CIT: variants seen among roughly 807,000 people sequenced by gnomAD.
CIT encodes citron Rho-interacting kinase.
CIT carries 79 observed loss-of-function variants against 272.7 expected under a neutral mutation model. The observed-to-expected ratio is 0.29, with a 90% CI of 0.24 to 0.35. CIT has a LOEUF of 0.35. Among genes scored for constraint, CIT ranks in the 10% least tolerant of loss-of-function variants. CIT has a pLI of 1.00. For missense variants in CIT, 1,909 were observed against 2,618.3 expected (o/e 0.73, Z 5.91); for synonymous variants, 948 against 995.6 (o/e 0.95, Z 0.90).
intron 10 of CIT, among the ~76,000 whole-genome samples, chr12:119,788,720 G>A (rs910175350): frequency 6.6e-6 from 1 of 152,082 alleles, no homozygotes; most frequent in African/African-American, 2.4e-5. Flanking sequence ...CAGAAGCGAG[G>A]AGATGTGCAG....
At chr12:119,845,428 G>A (rs981737089) in intron 5 of CIT, among the ~76,000 whole-genome samples, 10 of 152,030 alleles carry the variant, frequency 6.6e-5, no homozygotes, top group South Asian at 2.1e-4. Flanking sequence ...TGAGGCAGGC[G>A]GATCACCTGG....
At position 119,835,713 on chromosome 12, in the gene CIT, G is replaced by A. The variant is rs186548770; in HGVS notation, c.517-1485C>T. Among the ~76,000 whole-genome samples the A allele has an allele frequency of 7.1e-4, 108 of 152,164 alleles. 1 individual carries two copies. Among genetic ancestry groups the A allele is most frequent in the African/African-American group, 2.3e-3 (95 of 41,522 alleles). ...CCTGCTTGCTTTTAGTCCAGAATTA[G>A]AAGAAAGCTCTAGACAAGTCAGAAG... is the stretch of plus-strand genomic sequence containing the variant. On this transcript the variant is annotated intron_variant, in intron 5 of 47. Transcript: ENST00000392521.
intron 9 of CIT, among the ~76,000 whole-genome samples, chr12:119,815,245 A>AT (rs58399808): frequency 0.024 from 3,623 of 151,994 alleles, 139 homozygotes; most frequent in African/African-American, 0.084. Flanking sequence ...TTTAAAAAAA[A>AT]AAAAAAGCCA....
chr12:119,734,500 G>C, intron 25 of CIT, 143 bp from the exon 26 acceptor site: 1 of 853,984 alleles, frequency 1.2e-6, no homozygotes, highest in East Asian at 2.7e-5. Context: ...GCAGCCCAAG[G>C]GGACCAGGCA....
At position 119,836,097 on chromosome 12, in the gene CIT, G is replaced by C. The variant is rs576641823; in HGVS notation, c.517-1869C>G. On this transcript the variant is annotated intron_variant, in intron 5 of 47. Coordinates refer to ENST00000392521, the MANE Select transcript of CIT (RefSeq NM_001206999.2). Reference sequence around the variant, plus strand: ...AGGTCAAGAGATCGAGACCACCCTGGCCAACATGGTGAAACCCCGTCTTTA... The same window carrying C: ...AGGTCAAGAGATCGAGACCACCCTGCCCAACATGGTGAAACCCCGTCTTTA... Among the ~76,000 whole-genome samples, 6 of 151,878 alleles carry C rather than the reference G, an allele frequency of 4.0e-5. No homozygotes were observed. In the South Asian group the frequency reaches 1.3e-3, roughly 32 times the overall value.
intron 5 of CIT, among the ~76,000 whole-genome samples, chr12:119,849,892 T>C (rs1018061620): frequency 6.6e-6 from 1 of 152,168 alleles, no homozygotes; most frequent in Non-Finnish European, 1.5e-5. Context: ...TTCACTGTGT[T>C]AGCCAGGATG....
Position 119,718,432 on chromosome 12 carries a change from C to A in CIT, c.4004-23G>T. On this transcript the variant is annotated intron_variant, in intron 31 of 47. Transcript: ENST00000392521. This position sits in a 1 kb window ranked among gnomAD's most constrained non-coding sequence, Gnocchi z 4.8. The stretch of plus-strand genomic sequence containing the variant: ...CAGCTGCAGAGAGACCAGGACAATG[C>A]CTTTTGGTTAGCTGGGTCGCCTAGA... 6.3e-7 allele frequency: 1 copy of A among 1,590,652 alleles called. No individual in the cohort carries two copies. Among genetic ancestry groups the A allele is most frequent in the Non-Finnish European group, 8.6e-7 (1 of 1,165,954 alleles).
intron 26 of CIT, among the ~76,000 whole-genome samples, chr12:119,732,591 T>C (rs1351609769): frequency 1.3e-5 from 2 of 152,206 alleles, no homozygotes; most frequent in Admixed American, 1.3e-4. Flanking sequence ...AAAGGAACTA[T>C]TTCTACCATT....
At chr12:119,791,417 C>T (rs1965297540) in intron 10 of CIT, among the ~76,000 whole-genome samples, 2 of 152,214 alleles carry the variant, frequency 1.3e-5, no homozygotes, top group African/African-American at 2.4e-5. Context: ...GGAAAGCTCA[C>T]CCCACAAGAG....
chr12:119,779,065 C>CA (rs1286246374), intron 13 of CIT, among the ~76,000 whole-genome samples: 1 of 152,018 alleles, frequency 6.6e-6, no homozygotes, highest in African/African-American at 2.4e-5. Context: ...ACAAAATATA[C>CA]AAAAATTAGC....
chr12:119,840,262 G>A (rs1250361137), intron 5 of CIT, among the ~76,000 whole-genome samples: 2 of 152,190 alleles, frequency 1.3e-5, no homozygotes, highest in Non-Finnish European at 2.9e-5. Context: ...AGGCTACAAT[G>A]AGCTACGATC....
chr12:119,856,638 G>A lies in CIT; in HGVS notation c.414+885C>T, dbSNP rs140110336. 2.4e-4 allele frequency among the ~76,000 whole-genome samples: 37 copies of A among 152,020 alleles called. No homozygotes were observed. The East Asian group carries it at 2.9e-3, about 12-fold the overall frequency. On this transcript the variant is annotated intron_variant, in intron 4 of 47. Coordinates refer to ENST00000392521, the MANE Select transcript of CIT (RefSeq NM_001206999.2). ...CATGTTCTCATCACTTCTCTCTGCCGAGAACCTACATTTCCCCCCATCGGT... is the reference window on the plus strand; with the variant it reads ...CATGTTCTCATCACTTCTCTCTGCCAAGAACCTACATTTCCCCCCATCGGT...
At chr12:119,810,132 G>T (rs1683125970) in intron 9 of CIT, among the ~76,000 whole-genome samples, 1 of 152,222 alleles carries the variant, frequency 6.6e-6, no homozygotes, top group South Asian at 2.1e-4. Flanking sequence ...AAGCCAGTCA[G>T]CGAGAAGTTC....
chr12:119,696,689 G>A (rs984812711), intron 46 of CIT, among the ~76,000 whole-genome samples: 9 of 152,058 alleles, frequency 5.9e-5, no homozygotes, highest in Admixed American at 5.9e-4. Flanking sequence ...ACCACACCTG[G>A]CTAATTTTTG....
At chr12:119,792,824 T>C (rs1965421034) in intron 10 of CIT, among the ~76,000 whole-genome samples, 1 of 151,892 alleles carries the variant, frequency 6.6e-6, no homozygotes. Flanking sequence ...TGGCCGGGTG[T>C]GGTGGCACGC....
intron 24 of CIT, 93 bp from the exon 25 acceptor site, chr12:119,735,450 C>A: frequency 1.6e-6 from 2 of 1,249,832 alleles, no homozygotes; most frequent in Non-Finnish European, 1.2e-6. Flanking sequence ...ACCCACGTGA[C>A]ACTGGCAATC....
chr12:119,728,444 G>T lies in CIT; in HGVS notation c.3591+58C>A. 1.9e-6 allele frequency: 2 copies of T among 1,074,618 alleles called. No individual in the cohort carries two copies. Among genetic ancestry groups the T allele is most frequent in the Non-Finnish European group, 2.8e-6 (2 of 717,950 alleles). The allele number at this position is 1,074,618 out of a possible 1,614,324, so 66.6% of individuals were successfully genotyped here. A position where few individuals can be genotyped will look rare whatever the true frequency, so the allele number is the denominator to read the frequency against. Reference sequence around the variant, plus strand: ...CCTAAAGCTGCTCCAAAAAAAAGAAGCCTATTAAAAGAAAAAAAAAATCCA... The same window carrying T: ...CCTAAAGCTGCTCCAAAAAAAAGAATCCTATTAAAAGAAAAAAAAAATCCA... On this transcript the variant is annotated intron_variant, in intron 28 of 47. Transcript: ENST00000392521. This position sits in a 1 kb window ranked among gnomAD's most constrained non-coding sequence, Gnocchi z 4.3.
intron 23 of CIT, among the ~76,000 whole-genome samples, chr12:119,751,219 A>G (rs1274908966): frequency 6.6e-6 from 1 of 152,180 alleles, no homozygotes; most frequent in Non-Finnish European, 1.5e-5. Flanking sequence ...GAATGGGAAA[A>G]AGAAAATGTG....
At chr12:119,769,865 T>G (rs1200846086) in intron 18 of CIT, among the ~76,000 whole-genome samples, 1 of 152,220 alleles carries the variant, frequency 6.6e-6, no homozygotes, top group Non-Finnish European at 1.5e-5. Flanking sequence ...GACCTATAAG[T>G]TGGCCACTAT....
Sources: gnomAD v4.1 joint callset for allele counts (sites outside exome capture counted in the v4.1 genomes callset) on GRCh38, gnomAD v4.1.1 for gene constraint, Gnocchi (gnomAD v3.1) non-coding constraint, MANE v1.5 for transcripts, NCBI Gene and HGNC (gene_info 2026-07-23, HGNC 2026-07-21) for gene names.